Variants in RIMS2 observed in about 807,000 individuals in gnomAD.
The protein encoded by RIMS2 is regulating synaptic membrane exocytosis 2.
In RIMS2, 59 loss-of-function variants were observed where a neutral mutation model predicts 174.4. The ratio of observed to expected loss-of-function variants is 0.34; its 90% CI spans 0.27 to 0.42. RIMS2 has a LOEUF of 0.42. Among genes scored for constraint, RIMS2 ranks in the 10% least tolerant of loss-of-function variants. The pLI is 1.00. For missense variants in RIMS2, 1,620 were observed against 1,666.3 expected, an observed-to-expected ratio of 0.97 and a Z score of 0.48; for synonymous variants, 606 against 572.5, an observed-to-expected ratio of 1.06 and a Z score of -0.84.
chr8:104,057,631 A>G (rs2096894255), intron 19 of RIMS2, among the ~76,000 whole-genome samples: 1 of 151,306 alleles, frequency 6.6e-6, no homozygotes, highest in Admixed American at 6.6e-5. Flanking sequence ...GGTTAGTTAC[A>G]TATGTATACA....
chr8:103,719,579 T>C (rs1357154910), intron 2 of RIMS2, among the ~76,000 whole-genome samples: 5 of 152,228 alleles, frequency 3.3e-5, no homozygotes, highest in Non-Finnish European at 7.4e-5. Context: ...TAGTAGTAAA[T>C]TACTATGAAC....
At chr8:103,868,669 T>C (rs2099095172) in intron 3 of RIMS2, among the ~76,000 whole-genome samples, 1 of 152,116 alleles carries the variant, frequency 6.6e-6, no homozygotes, top group Admixed American at 6.5e-5. Flanking sequence ...TAAAAAGTTA[T>C]GGTTTTATGT....
chr8:103,956,081 C>T (rs566047975), intron 14 of RIMS2, among the ~76,000 whole-genome samples: 14 of 152,100 alleles, frequency 9.2e-5, no homozygotes, highest in Admixed American at 1.3e-4. Context: ...AACTACAAAC[C>T]ACTGCTCAAG....
intron 1 of RIMS2, among the ~76,000 whole-genome samples, chr8:103,505,427 A>G (rs1256664338): frequency 6.6e-6 from 1 of 152,084 alleles, no homozygotes; most frequent in Non-Finnish European, 1.5e-5. Context: ...ACCTTAATGG[A>G]TATAGGATAT....
chr8:103,569,015 A>G, intron 1 of RIMS2: 1 of 464,636 alleles, frequency 2.2e-6, no homozygotes, highest in East Asian at 4.1e-5. Flanking sequence ...TTCTTGATGG[A>G]GGCCTTTGCA....
rs1487028291 is a variant in RIMS2 at position 103,568,783 on chromosome 8, CTT to C, written c.176+67724_176+67725del. 5 of 1,135,932 alleles carry C rather than the reference CTT, an allele frequency of 4.4e-6. No homozygotes were observed. The Admixed American group carries it at 8.7e-5, about 20-fold the overall frequency. 70.4% of individuals were successfully genotyped at this position (1,135,932 alleles called of 1,614,324 possible). On this transcript the variant is annotated intron_variant, in intron 1 of 23. Coordinates refer to ENST00000504942, the Ensembl canonical transcript of RIMS2. ...AAGGAATCTATCAAAACATGAATGTCTTTTGCTGTTTGTGCAATCAGTGCTAT... is the reference window on the plus strand; with the variant it reads ...AAGGAATCTATCAAAACATGAATGTCTTGCTGTTTGTGCAATCAGTGCTAT...
At chr8:104,234,579 A>G (rs2099249131) in intron 19 of RIMS2, among the ~76,000 whole-genome samples, 1 of 152,290 alleles carries the variant, frequency 6.6e-6, no homozygotes, top group South Asian at 2.1e-4. Flanking sequence ...AGTACCAAAA[A>G]ATTACAAATG....
chr8:103,579,546 G>C (rs1458049819), intron 1 of RIMS2, among the ~76,000 whole-genome samples: 3 of 152,054 alleles, frequency 2.0e-5, no homozygotes, highest in Non-Finnish European at 4.4e-5. Context: ...ACAACATAAA[G>C]TAAAAATGGG....
At chr8:104,100,934 A>T (rs574396806) in intron 19 of RIMS2, among the ~76,000 whole-genome samples, 1 of 110,974 alleles carries the variant, frequency 9.0e-6, no homozygotes, top group Admixed American at 1.1e-4. Context: ...TATGTGATAT[A>T]TTATATATTA....
rs34443389 is a variant in RIMS2, at chr8:104,035,252, G to GT, written c.3334+20648dup. ...CTTGTATCTTATATGGAAAATAACT[G>GT]TTTTTTTTTTTGTAAAAGTGAAGGC... On this transcript the variant is annotated intron_variant, in intron 19 of 23. Coordinates refer to ENST00000504942, the Ensembl canonical transcript of RIMS2. 4.4e-3 allele frequency among the ~76,000 whole-genome samples: 645 copies of GT among 146,004 alleles called. 7 individuals carry two copies. The highest frequency in any genetic ancestry group is 0.01 in the African/African-American group (406 of 40,220).
intron 1 of RIMS2, among the ~76,000 whole-genome samples, chr8:103,620,685 G>GAACTT (rs1292627215): frequency 2.2e-5 from 1 of 46,288 alleles, no homozygotes; most frequent in East Asian, 1.0e-3. Context: ...TGATCATCAG[G>GAACTT]AACTTTATTT....
At chr8:104,210,029 A>C (rs1334811708) in intron 19 of RIMS2, among the ~76,000 whole-genome samples, 2 of 152,212 alleles carry the variant, frequency 1.3e-5, no homozygotes, top group East Asian at 3.8e-4. Flanking sequence ...ATGCAATGAA[A>C]GATTCAGGCA....
intron 19 of RIMS2, among the ~76,000 whole-genome samples, chr8:104,177,787 A>T (rs1191648043): frequency 6.6e-6 from 1 of 152,114 alleles, no homozygotes; most frequent in Non-Finnish European, 1.5e-5. Flanking sequence ...GACCATATTT[A>T]TTTTTTTACT....
chr8:103,817,301 G>A (rs911360438), intron 3 of RIMS2, among the ~76,000 whole-genome samples: 3 of 152,130 alleles, frequency 2.0e-5, no homozygotes, highest in Non-Finnish European at 4.4e-5. Flanking sequence ...TTCATCTATT[G>A]AAATTGGCCA....
At chr8:103,644,317 G>C (rs1006424323) in intron 1 of RIMS2, among the ~76,000 whole-genome samples, 1 of 152,112 alleles carries the variant, frequency 6.6e-6, no homozygotes, top group Non-Finnish European at 1.5e-5. Context: ...TGTGGCAGCA[G>C]TTTGTGAGGT....
At chr8:104,118,240 A>C (rs749310570) in intron 19 of RIMS2, among the ~76,000 whole-genome samples, 5 of 152,148 alleles carry the variant, frequency 3.3e-5, no homozygotes, top group South Asian at 2.1e-4. Context: ...ATAAAGGAAG[A>C]ACTTATAAGA....
chr8:103,694,204 G>C (rs2097068776), intron 1 of RIMS2, among the ~76,000 whole-genome samples: 1 of 152,126 alleles, frequency 6.6e-6, no homozygotes, highest in Non-Finnish European at 1.5e-5. Context: ...TGTTTTTGCA[G>C]GTTCTGATCT....
At chr8:104,113,795 T>G (rs569481255) in intron 19 of RIMS2, among the ~76,000 whole-genome samples, 60 of 152,054 alleles carry the variant, frequency 3.9e-4, no homozygotes, top group African/African-American at 1.4e-3. Flanking sequence ...TGATCCCAAA[T>G]TATGTTTTTT....
At chr8:104,009,973 A>C (rs914063829) in intron 17 of RIMS2, among the ~76,000 whole-genome samples, 4 of 146,648 alleles carry the variant, frequency 2.7e-5, no homozygotes, top group Non-Finnish European at 1.5e-5. Context: ...ATCATTGTGA[A>C]AGATATGGAT....
Sources: allele counts gnomAD v4.1 joint callset (sites outside exome capture counted in the v4.1 genomes callset), GRCh38; gene constraint gnomAD v4.1.1; transcripts MANE v1.5; gene names NCBI Gene and HGNC (gene_info 2026-07-23, HGNC 2026-07-21).